PDGFRA: variants seen among roughly 807,000 people sequenced by gnomAD.
PDGFRA encodes the protein platelet-derived growth factor receptor alpha.
In PDGFRA, 25 loss-of-function variants were observed where a neutral mutation model predicts 121.5. The observed-to-expected ratio is 0.21, with a 90% confidence interval of 0.15 to 0.29. The LOEUF (loss-of-function observed/expected upper bound fraction) is 0.29. Among genes scored for constraint, PDGFRA ranks in the 10% least tolerant of loss-of-function variants. The pLI, the probability that PDGFRA is intolerant of heterozygous loss-of-function variation, is 1.00. For synonymous variants in PDGFRA, 463 were observed against 494.8 expected (o/e 0.94, Z 0.85); for missense variants, 1,008 against 1,345.1 (o/e 0.75, Z 3.92).
intron 9 of PDGFRA, among the ~76,000 whole-genome samples, 177 bp downstream of exon 9, chr4:54,272,697 G>A (rs578153335): frequency 6.6e-6 from 1 of 152,120 alleles, no homozygotes; most frequent in Non-Finnish European, 1.5e-5. Flanking sequence ...GCTCTCATTA[G>A]ACCTTCAAAA....
rs114455459 is a variant in PDGFRA at position 54,268,925 on chromosome 4, C to T, written c.1121+1184C>T. Among the ~76,000 whole-genome samples the T allele has an allele frequency of 4.2e-3, 635 of 152,192 alleles. 3 individuals are homozygous for T. The highest frequency in any genetic ancestry group is 0.015 in the African/African-American group (614 of 41,506). On this transcript the variant is annotated intron_variant, in intron 7 of 22. Coordinates refer to ENST00000257290, the MANE Select transcript of PDGFRA (RefSeq NM_006206.6). Reference sequence around the variant, plus strand: ...CCAACTGAGTGGTTCTGGAAAGCTGCCTTTTCCTTTTAGTGATTCAAGGAT... The same window carrying T: ...CCAACTGAGTGGTTCTGGAAAGCTGTCTTTTCCTTTTAGTGATTCAAGGAT...
intron 22 of PDGFRA, among the ~76,000 whole-genome samples, chr4:54,292,656 G>A (rs1724688610): frequency 6.6e-6 from 1 of 151,928 alleles, no homozygotes; most frequent in Non-Finnish European, 1.5e-5. Flanking sequence ...TCCTGCATAT[G>A]TACCCCTGAA....
Position 54,280,349 on chromosome 4 carries a change from C to T in PDGFRA, c.2190C>T (p.Asp730=), listed in dbSNP as rs1577734762. Residue 730 remains aspartate, a synonymous_variant, in exon 16 of 23, where the codon GAC becomes GAT. Coordinates refer to ENST00000257290, the MANE Select transcript of PDGFRA (RefSeq NM_006206.6). ...TTTTATCTTTTGAAAACAATGGTGA[C>T]TACATGGACATGAAGCAGGCTGATA... is the stretch of plus-strand genomic sequence containing the variant. ...YVILSFENNG[D]YMDMKQADTT... 3 of 1,613,606 alleles carry T rather than the reference C, an allele frequency of 1.9e-6. No homozygotes were observed. Among genetic ancestry groups the T allele is most frequent in the Non-Finnish European group, 1.7e-6 (2 of 1,179,528 alleles).
chr4:54,261,934 T>A (rs865948234), intron 3 of PDGFRA, among the ~76,000 whole-genome samples: 5,421 of 37,878 alleles, frequency 0.14, 415 homozygotes, highest in African/African-American at 0.23. Flanking sequence ...TATATATATT[T>A]TTTTTTTTTT....
At chr4:54,270,873 A>G in intron 8 of PDGFRA, 125 bp downstream of exon 8, 2 of 699,986 alleles carry the variant, frequency 2.9e-6, no homozygotes, top group South Asian at 1.5e-5. Flanking sequence ...GTGTCTGCAT[A>G]TGTCACATAT....
In PDGFRA at chr4:54,286,719, G is replaced by T. The variant is rs139457301; in HGVS notation, c.2563-711G>T. Among the ~76,000 whole-genome samples, 962 of 152,244 alleles carry T rather than the reference G, an allele frequency of 6.3e-3. 5 individuals carry two copies. The highest frequency in any genetic ancestry group is 0.021 in the African/African-American group (853 of 41,566). ...GGACAAGCATGCATTCCCAAGGATG[G>T]TGTCTTTACATTTTAAGCTTTTATC... On this transcript the variant is annotated intron_variant, in intron 18 of 22. Coordinates refer to ENST00000257290, the MANE Select transcript of PDGFRA (RefSeq NM_006206.6).
At chr4:54,268,042 G>T (rs1209170414) in intron 7 of PDGFRA, among the ~76,000 whole-genome samples, 4 of 152,200 alleles carry the variant, frequency 2.6e-5, no homozygotes, top group Non-Finnish European at 1.5e-5. Context: ...CACCAGGATT[G>T]AATAGATTGA....
intron 15 of PDGFRA, chr4:54,278,830 G>T: frequency 2.0e-6 from 1 of 511,718 alleles, no homozygotes; most frequent in South Asian, 1.5e-5. Flanking sequence ...TCTGGCCAGG[G>T]ATGCTTGAGT....
At chr4:54,284,885 T>C (rs1577740759) in intron 16 of PDGFRA, among the ~76,000 whole-genome samples, 1 of 133,600 alleles carries the variant, frequency 7.5e-6, no homozygotes, top group South Asian at 2.6e-4. Context: ...CTATCTTTTT[T>C]TTTTTTTTTT....
intron 3 of PDGFRA, among the ~76,000 whole-genome samples, chr4:54,262,958 C>T (rs1577708277): frequency 6.6e-6 from 1 of 152,208 alleles, no homozygotes; most frequent in East Asian, 1.9e-4. Context: ...CGCAATCATG[C>T]AGACGTAGGG....
In PDGFRA at chr4:54,261,425, G is replaced by T; in HGVS notation, c.367+13G>T. On this transcript the variant is annotated intron_variant, in intron 3 of 22. Coordinates refer to ENST00000257290, the MANE Select transcript of PDGFRA (RefSeq NM_006206.6). The stretch of plus-strand genomic sequence containing the variant: ...ATCTATGTGCCAGGTGAGTTGGCTG[G>T]GTCTCCAGGACCAAGCTTCTTCTCT... 1 of 1,601,842 alleles carries T rather than the reference G, an allele frequency of 6.2e-7. No individual in the cohort carries two copies. The highest frequency in any genetic ancestry group is 2.2e-5 in the East Asian group (1 of 44,814).
At chr4:54,265,692 C>T (rs909230031) in intron 5 of PDGFRA, among the ~76,000 whole-genome samples, 1 of 152,192 alleles carries the variant, frequency 6.6e-6, no homozygotes, top group African/African-American at 2.4e-5. Context: ...GGGGAGCCAC[C>T]ATGCTGCCTC....
chr4:54,274,090 T>G (rs1325698032), intron 10 of PDGFRA, among the ~76,000 whole-genome samples: 1 of 152,146 alleles, frequency 6.6e-6, no homozygotes, highest in African/African-American at 2.4e-5. Flanking sequence ...GTGGATGGAG[T>G]GTGGGGAAGG....
At chr4:54,275,766 T>C (rs1028465829) in intron 12 of PDGFRA, among the ~76,000 whole-genome samples, 14 of 152,254 alleles carry the variant, frequency 9.2e-5, no homozygotes, top group Middle Eastern at 3.4e-3. Context: ...TTTGCAAAAA[T>C]TGTAACTGAG....
chr4:54,244,858 C>T (rs1200488607), intron 1 of PDGFRA, among the ~76,000 whole-genome samples: 1 of 152,106 alleles, frequency 6.6e-6, no homozygotes, highest in Non-Finnish European at 1.5e-5. Flanking sequence ...ATAACCAATA[C>T]AGAGAAGTGC....
rs186774058 is a variant in PDGFRA, at chr4:54,264,247, C to A, written c.628+320C>A. 1.1e-5 allele frequency: 5 copies of A among 470,760 alleles called. No homozygotes were observed. In the Admixed American group the frequency reaches 1.1e-4, roughly 11 times the overall value. The allele number at this position is 470,760 out of a possible 1,614,324, so 29.2% of individuals were successfully genotyped here. ...TGGCGGCCCTAAAAACAAACATACA[C>A]CCAGGGGGTTAGATGCCTAGATTAA... is the stretch of plus-strand genomic sequence containing the variant. On this transcript the variant is annotated intron_variant, in intron 4 of 22. Transcript: ENST00000257290.
chr4:54,269,288 C>T (rs890787255), intron 7 of PDGFRA, among the ~76,000 whole-genome samples: 3 of 152,120 alleles, frequency 2.0e-5, no homozygotes, highest in African/African-American at 4.8e-5. Context: ...TTCACACATA[C>T]AATCTCCTTT....
At chr4:54,288,978 C>CT (rs1560491876) in intron 20 of PDGFRA, 31 bp from the exon 21 acceptor site, 1 of 1,537,686 alleles carries the variant, frequency 6.5e-7, no homozygotes, top group Admixed American at 1.7e-5. Context: ...AGACTTCCCC[C>CT]TGTGCCCACT....
rs977452526 is a variant in PDGFRA, at chr4:54,274,894, A to G, written c.1707A>G (p.Gly569=). 4 of 1,614,008 alleles carry G rather than the reference A, an allele frequency of 2.5e-6. No homozygotes were observed. Among genetic ancestry groups the G allele is most frequent in the Middle Eastern group, 1.6e-4 (1 of 6,062 alleles). ...WRVIESISPD[G]HEYIYVDPMQ... ...TCATTGAATCAATCAGCCCAGATGG[A>G]CATGAATATATTTATGTGGACCCGA... is the stretch of plus-strand genomic sequence containing the variant. Residue 569 remains glycine (G), a synonymous_variant, in exon 12 of 23, where the codon GGA becomes GGG. Coordinates refer to ENST00000257290, the MANE Select transcript of PDGFRA (RefSeq NM_006206.6).
Sources: gnomAD v4.1 joint callset for allele counts (sites outside exome capture counted in the v4.1 genomes callset) on GRCh38, gnomAD v4.1.1 for gene constraint, MANE v1.5 for transcripts, NCBI Gene and HGNC (gene_info 2026-07-23, HGNC 2026-07-21) for gene names.